Variants in TMEM266 observed in about 807,000 individuals in gnomAD.
The protein encoded by TMEM266 is transmembrane protein 266.
In TMEM266, 33 loss-of-function variants were observed where a neutral mutation model predicts 50.5. That is an observed-to-expected ratio of 0.65 (90% CI 0.50 to 0.87). The LOEUF (loss-of-function observed/expected upper bound fraction) is 0.87, where lower values mean the gene tolerates loss of function less well. Among genes scored for constraint, TMEM266 ranks in the 40% least tolerant of loss-of-function variants. TMEM266 has a pLI of 0.00. For synonymous variants in TMEM266, 310 were observed against 292.3 expected, an observed-to-expected ratio of 1.06 and a Z score of -0.62; for missense variants, 655 against 695.1, an observed-to-expected ratio of 0.94 and a Z score of 0.65.
rs201516300 is a variant in TMEM266 at position 76,110,166 on chromosome 15, AT to A, written c.-96-23992del. On this transcript the variant is annotated intron_variant, in intron 1 of 10. Coordinates refer to ENST00000388942, the MANE Select transcript of TMEM266 (RefSeq NM_152335.3). ...AGGTGCACGCCACCACACCTGGCTA[AT>A]TTTTTTTTTGTATCTTTAGTAGAGA... Among the ~76,000 whole-genome samples the A allele has an allele frequency of 9.3e-4, 137 of 147,012 alleles. 1 individual carries two copies. In the East Asian group the frequency reaches 0.023, roughly 24 times the overall value.
At chr15:76,072,830 G>T (rs2036556918) in intron 1 of TMEM266, among the ~76,000 whole-genome samples, 1 of 151,850 alleles carries the variant, frequency 6.6e-6, no homozygotes, top group African/African-American at 2.4e-5. Context: ...TAAAGACAGG[G>T]TTTCACCATG....
intron 3 of TMEM266, among the ~76,000 whole-genome samples, chr15:76,142,813 C>T (rs2037700277): frequency 6.6e-6 from 1 of 152,200 alleles, no homozygotes. Flanking sequence ...TCTGCTGCTC[C>T]TCTCTTCACC....
At chr15:76,188,020 C>T (rs1315091040) in intron 8 of TMEM266, among the ~76,000 whole-genome samples, 1 of 152,118 alleles carries the variant, frequency 6.6e-6, no homozygotes, top group Non-Finnish European at 1.5e-5. Flanking sequence ...ACCCATTGTG[C>T]ACATTTCCCC....
At chr15:76,120,123 T>G (rs2037317784) in intron 1 of TMEM266, among the ~76,000 whole-genome samples, 1 of 152,102 alleles carries the variant, frequency 6.6e-6, no homozygotes. Context: ...GTAATGTCAC[T>G]ACTGGGAATC....
chr15:76,186,668 C>T (rs1369077908), intron 8 of TMEM266, among the ~76,000 whole-genome samples: 1 of 152,220 alleles, frequency 6.6e-6, no homozygotes, highest in Non-Finnish European at 1.5e-5. Context: ...CTACTTGTCT[C>T]TGGCATGGAC....
intron 1 of TMEM266, among the ~76,000 whole-genome samples, chr15:76,117,607 C>G (rs2037271296): frequency 6.6e-6 from 1 of 151,990 alleles, no homozygotes; most frequent in African/African-American, 2.4e-5. Context: ...GAGAATATAT[C>G]TGCCGTTTGT....
intron 3 of TMEM266, among the ~76,000 whole-genome samples, chr15:76,138,640 T>C (rs1596128692): frequency 6.6e-6 from 1 of 152,180 alleles, no homozygotes; most frequent in East Asian, 1.9e-4. Context: ...AGGAACATGC[T>C]TAGGATGTAA....
intron 3 of TMEM266, among the ~76,000 whole-genome samples, chr15:76,142,182 A>G (rs766927981): frequency 6.6e-6 from 1 of 152,230 alleles, no homozygotes; most frequent in African/African-American, 2.4e-5. Flanking sequence ...TGAGGTCAGC[A>G]GTTCAAGAGC....
intron 8 of TMEM266, among the ~76,000 whole-genome samples, chr15:76,187,978 G>A: frequency 6.6e-6 from 1 of 152,218 alleles, no homozygotes; most frequent in South Asian, 2.1e-4. Flanking sequence ...AGGGTGGCAG[G>A]GGTGTGCTGG....
At chr15:76,170,433 T>C (rs1416750939) in intron 6 of TMEM266, among the ~76,000 whole-genome samples, 2 of 152,158 alleles carry the variant, frequency 1.3e-5, no homozygotes, top group African/African-American at 4.8e-5. Context: ...TCTGACACAG[T>C]GGGCCTGGCC....
At chr15:76,116,359 G>A (rs2037246486) in intron 1 of TMEM266, among the ~76,000 whole-genome samples, 4 of 152,298 alleles carry the variant, frequency 2.6e-5, no homozygotes, top group Non-Finnish European at 4.4e-5. Flanking sequence ...CAGCCTCGCA[G>A]TGGCTTTCTT....
At chr15:76,197,837 C>G (rs1348406818) in intron 9 of TMEM266, among the ~76,000 whole-genome samples, 1 of 152,260 alleles carries the variant, frequency 6.6e-6, no homozygotes, top group Non-Finnish European at 1.5e-5. Flanking sequence ...GGAAGCCTGG[C>G]CCAGCTGACT....
chr15:76,176,998 C>T (rs1468206866), intron 8 of TMEM266, among the ~76,000 whole-genome samples: 2 of 152,230 alleles, frequency 1.3e-5, no homozygotes, highest in Non-Finnish European at 2.9e-5. Flanking sequence ...TTTGGTTGCG[C>T]TGTGCCCCTT....
At chr15:76,062,941 T>C (rs1282804225) in intron 1 of TMEM266, among the ~76,000 whole-genome samples, 1 of 152,202 alleles carries the variant, frequency 6.6e-6, no homozygotes, top group East Asian at 1.9e-4. Flanking sequence ...TGGTGACTGA[T>C]TATAATGAAT....
chr15:76,144,738 C>T (rs2037732070), intron 3 of TMEM266, among the ~76,000 whole-genome samples: 1 of 152,186 alleles, frequency 6.6e-6, no homozygotes, highest in South Asian at 2.1e-4. Flanking sequence ...AGGTGCCTCC[C>T]TCCCTCAATA....
intron 1 of TMEM266, among the ~76,000 whole-genome samples, chr15:76,086,844 A>G (rs1447530108): frequency 6.6e-6 from 1 of 151,866 alleles, no homozygotes; most frequent in African/African-American, 2.4e-5. Context: ...GACTTGGCCC[A>G]TAACCAGCCT....
At chr15:76,064,071 G>A (rs1337248040) in intron 1 of TMEM266, among the ~76,000 whole-genome samples, 2 of 152,136 alleles carry the variant, frequency 1.3e-5, no homozygotes, top group Non-Finnish European at 2.9e-5. Context: ...CTTGTAATGG[G>A]AATGCATAAT....
At chr15:76,188,963 T>C (rs1486689488) in intron 8 of TMEM266, among the ~76,000 whole-genome samples, 3 of 152,154 alleles carry the variant, frequency 2.0e-5, no homozygotes, top group Non-Finnish European at 4.4e-5. Flanking sequence ...GAGGATTGCT[T>C]GAGTCCAGAA....
At chr15:76,165,001 G>A (rs1315508486) in intron 5 of TMEM266, among the ~76,000 whole-genome samples, 2 of 152,350 alleles carry the variant, frequency 1.3e-5, no homozygotes, top group East Asian at 3.9e-4. Flanking sequence ...ATCTCCTAAG[G>A]TTTCCAAACT....
Sources: gnomAD v4.1 joint callset for allele counts (sites outside exome capture counted in the v4.1 genomes callset) on GRCh38, gnomAD v4.1.1 for gene constraint, MANE v1.5 for transcripts, NCBI Gene and HGNC (gene_info 2026-07-23, HGNC 2026-07-21) for gene names.